The following CCR3 variants were observed in gnomAD, a reference collection of about 807,000 sequenced individuals.
CCR3 encodes the protein C-C motif chemokine receptor 3.
For synonymous variants in CCR3, 203 were observed against 179.2 expected (o/e 1.13, Z -1.06); for missense variants, 419 against 437.5 (o/e 0.96, Z 0.38).
intron 1 of CCR3, among the ~76,000 whole-genome samples, chr3:46,260,144 C>A (rs1022224010): frequency 6.6e-6 from 1 of 152,154 alleles, no homozygotes; most frequent in African/African-American, 2.4e-5. Context: ...AAAAACCCAC[C>A]CCCATAATTC....
chr3:46,211,802 T>C (rs1443779342), intron 2 of CCR3, among the ~76,000 whole-genome samples: 1 of 152,170 alleles, frequency 6.6e-6, no homozygotes, highest in Non-Finnish European at 1.5e-5. Context: ...CTTTTGTCAC[T>C]GAACCTCATA....
chr3:46,237,477 G>A (rs992830680), upstream of CCR3, among the ~76,000 whole-genome samples: 1 of 152,136 alleles, frequency 6.6e-6, no homozygotes, highest in East Asian at 1.9e-4. Flanking sequence ...TTTGTTGCCT[G>A]TGCATTTGAA....
intron 1 of CCR3, among the ~76,000 whole-genome samples, chr3:46,248,775 G>T (rs554624832): frequency 6.6e-6 from 1 of 152,302 alleles, no homozygotes; most frequent in South Asian, 2.1e-4. Flanking sequence ...CAAAGGAATA[G>T]TAAAGAAAGC....
At chr3:46,248,397 T>G (rs1397623292) in intron 1 of CCR3, among the ~76,000 whole-genome samples, 5 of 152,212 alleles carry the variant, frequency 3.3e-5, no homozygotes, top group Admixed American at 1.3e-4. Flanking sequence ...AGCTGCTGCA[T>G]GCAGACATGA....
intron 2 of CCR3, among the ~76,000 whole-genome samples, chr3:46,225,319 C>T (rs1168561165): frequency 1.3e-5 from 2 of 152,138 alleles, no homozygotes; most frequent in Admixed American, 1.3e-4. Flanking sequence ...AAGATTTAGG[C>T]ATTAACTCAT....
intron 1 of CCR3, among the ~76,000 whole-genome samples, chr3:46,260,520 G>T (rs1298869727): frequency 6.6e-6 from 1 of 152,184 alleles, no homozygotes; most frequent in Non-Finnish European, 1.5e-5. Context: ...AGGGGCTACA[G>T]GCCCCATGCA....
intron 1 of CCR3, among the ~76,000 whole-genome samples, chr3:46,253,745 G>C (rs550195680): frequency 2.0e-5 from 3 of 152,158 alleles, no homozygotes; most frequent in Non-Finnish European, 2.9e-5. Flanking sequence ...AGGTTCAGGG[G>C]TAAATGTGCA....
intron 2 of CCR3, among the ~76,000 whole-genome samples, chr3:46,223,096 G>A (rs1357166558): frequency 6.6e-6 from 1 of 152,248 alleles, no homozygotes; most frequent in Non-Finnish European, 1.5e-5. Flanking sequence ...GCTCACGCCT[G>A]TAATCCTAAC....
At chr3:46,253,403 C>G (rs1700356571) in intron 1 of CCR3, among the ~76,000 whole-genome samples, 1 of 152,178 alleles carries the variant, frequency 6.6e-6, no homozygotes, top group Non-Finnish European at 1.5e-5. Context: ...ATCATACTCT[C>G]TCCCCTCCCC....
At chr3:46,227,339 C>CCT (rs3053352) in intron 2 of CCR3, among the ~76,000 whole-genome samples, 120,998 of 151,910 alleles carry the variant, frequency 0.8, 48,846 homozygotes, top group African/African-American at 0.92. Context: ...AGTAATATCC[C>CCT]GTTTTATTTC....
intron 2 of CCR3, among the ~76,000 whole-genome samples, chr3:46,231,268 G>A (rs979651693): frequency 6.6e-6 from 1 of 152,218 alleles, no homozygotes; most frequent in African/African-American, 2.4e-5. Flanking sequence ...TCTTGTGGAT[G>A]AGATGCAAAA....
At chr3:46,253,664 C>T (rs578063182) in intron 1 of CCR3, among the ~76,000 whole-genome samples, 4 of 123,856 alleles carry the variant, frequency 3.2e-5, no homozygotes, top group African/African-American at 1.1e-4. Flanking sequence ...TTAACCCCAT[C>T]ACATGTTAAC....
chr3:46,232,911 CA>C (rs1699982615), intron 2 of CCR3, among the ~76,000 whole-genome samples: 1 of 152,230 alleles, frequency 6.6e-6, no homozygotes, highest in Non-Finnish European at 1.5e-5. Flanking sequence ...CGGCTCACTG[CA>C]ACCTCTACTT....
At chr3:46,235,773 G>T (rs549369560) in intron 2 of CCR3, among the ~76,000 whole-genome samples, 1 of 152,212 alleles carries the variant, frequency 6.6e-6, no homozygotes. Flanking sequence ...GGCCATAAAA[G>T]AGCAGGACTT....
At chr3:46,261,197 T>C (rs1445655174) in intron 1 of CCR3, among the ~76,000 whole-genome samples, 5 of 152,210 alleles carry the variant, frequency 3.3e-5, no homozygotes, top group Non-Finnish European at 7.4e-5. Flanking sequence ...AACTTATGTT[T>C]TTATAAGTAA....
chr3:46,214,388 C>A (rs73833004), intron 2 of CCR3, among the ~76,000 whole-genome samples: 2,041 of 152,224 alleles, frequency 0.013, 33 homozygotes, highest in African/African-American at 0.046. Context: ...AGGATCCCAA[C>A]CTCTCTCACT....
intron 1 of CCR3, among the ~76,000 whole-genome samples, chr3:46,261,282 G>A (rs1304485346): frequency 1.3e-5 from 2 of 152,102 alleles, no homozygotes; most frequent in Non-Finnish European, 2.9e-5. Flanking sequence ...TATAATGAAA[G>A]GGAGTTGCAT....
At chr3:46,239,391 G>C (rs959770138), upstream of CCR3, among the ~76,000 whole-genome samples, 2 of 152,220 alleles carry the variant, frequency 1.3e-5, no homozygotes, top group African/African-American at 4.8e-5. Context: ...ACTCTGCAGA[G>C]ATGTCATTTG....
intron 1 of CCR3, among the ~76,000 whole-genome samples, chr3:46,252,925 A>G: frequency 6.6e-6 from 1 of 152,072 alleles, no homozygotes; most frequent in African/African-American, 2.4e-5. Context: ...GGATTTAAAA[A>G]AAAAAAGTTC....
Sources: gnomAD v4.1 joint callset for allele counts (sites outside exome capture counted in the v4.1 genomes callset) on GRCh38, gnomAD v4.1.1 for gene constraint, MANE v1.5 for transcripts, NCBI Gene and HGNC (gene_info 2026-07-23, HGNC 2026-07-21) for gene names.